DCAF1: variants seen among roughly 807,000 people sequenced by gnomAD.
The protein encoded by DCAF1 is DDB1 and CUL4 associated factor 1, also known as DDB1- and CUL4-associated factor 1.
A neutral mutation model predicts 128.0 loss-of-function variants in DCAF1; 15 were observed. The ratio of observed to expected loss-of-function variants is 0.12; its 90% confidence interval spans 0.08 to 0.18. DCAF1 has a LOEUF of 0.18. DCAF1 is among the 10% of genes least tolerant of loss of function. DCAF1 has a pLI of 1.00. For synonymous variants in DCAF1, 610 were observed against 603.0 expected (o/e 1.01, Z -0.17); for missense variants, 988 against 1,649.5 (o/e 0.60, Z 6.95).
intron 12 of DCAF1, 128 bp downstream of exon 12, chr3:51,429,133 T>C: frequency 1.6e-6 from 1 of 630,242 alleles, no homozygotes; most frequent in South Asian, 1.9e-5. Flanking sequence ...TGTTCTGCCT[T>C]CATACAGGGA....
rs568857340 is a variant in DCAF1, at chr3:51,420,534, G to C, written c.2436C>G (p.Leu812=). ...HVKFCKYAAE[L]IERVSGKPLL... Reference sequence around the variant, plus strand: ...GTGGTTTTCCTGACACCCGTTCAATGAGTTCAGCAGCATACTTGCAGAACT... The same window carrying C: ...GTGGTTTTCCTGACACCCGTTCAATCAGTTCAGCAGCATACTTGCAGAACT... Residue 812 remains leucine (L), a synonymous_variant, in exon 15 of 25, where the codon CTC becomes CTG. Transcript: ENST00000684031. The surrounding 1 kb of genome is among the most constrained non-coding windows in gnomAD (Gnocchi z 6.5). 1.9e-6 allele frequency: 3 copies of C among 1,613,778 alleles called. No individual in the cohort carries two copies. The highest frequency in any genetic ancestry group is 4.5e-5 in the East Asian group (2 of 44,890).
At chr3:51,426,371 G>A (rs1699911552) in intron 13 of DCAF1, among the ~76,000 whole-genome samples, 1 of 151,888 alleles carries the variant, frequency 6.6e-6, no homozygotes, top group African/African-American at 2.4e-5. Flanking sequence ...CACCACCCCC[G>A]GCTAATTTTT....
At chr3:51,427,047 A>G (rs1699967483) in intron 13 of DCAF1, among the ~76,000 whole-genome samples, 1 of 152,224 alleles carries the variant, frequency 6.6e-6, no homozygotes, top group Non-Finnish European at 1.5e-5. Flanking sequence ...TTTAAGTACT[A>G]AAGAATCCTG....
At chr3:51,411,397 A>G (rs1268931378) in intron 23 of DCAF1, among the ~76,000 whole-genome samples, 1 of 152,004 alleles carries the variant, frequency 6.6e-6, no homozygotes, top group Admixed American at 6.6e-5. Flanking sequence ...ACTCTTGGAA[A>G]GAGAATGTGC....
At chr3:51,427,283 G>C in intron 13 of DCAF1, 89 bp downstream of exon 13, 3 of 564,354 alleles carry the variant, frequency 5.3e-6, no homozygotes, top group Non-Finnish European at 3.3e-6. Flanking sequence ...TTCAACAAAT[G>C]TTTGTTAAGC....
intron 2 of DCAF1, among the ~76,000 whole-genome samples, chr3:51,491,761 C>G (rs1486890684): frequency 6.6e-6 from 1 of 152,030 alleles, no homozygotes; most frequent in Non-Finnish European, 1.5e-5. Flanking sequence ...AGGAGAACTG[C>G]TTGAATCCAG....
chr3:51,408,206 T>G (rs1698077152), intron 23 of DCAF1, among the ~76,000 whole-genome samples: 1 of 152,136 alleles, frequency 6.6e-6, no homozygotes. Flanking sequence ...CCTCTTAATC[T>G]CCAAGCTTAT....
intron 5 of DCAF1, among the ~76,000 whole-genome samples, chr3:51,465,949 A>G (rs1241063482): frequency 2.0e-5 from 3 of 152,180 alleles, no homozygotes; most frequent in Non-Finnish European, 2.9e-5. Context: ...CTGTAATCCC[A>G]GCACTTTGGG....
At position 51,424,415 on chromosome 3, in the gene DCAF1, G is replaced by GA. The variant is rs532963947; in HGVS notation, c.1848-1985dup. Among the ~76,000 whole-genome samples, 37 of 144,514 alleles carry GA rather than the reference G, an allele frequency of 2.6e-4. 1 individual carries two copies. The highest frequency in any genetic ancestry group is 2.2e-3 in the East Asian group (11 of 4,972). The allele number at this position is 144,514 out of a possible 152,430, so 94.8% of individuals were successfully genotyped here. A position where few individuals can be genotyped will look rare whatever the true frequency, so the allele number is the denominator to read the frequency against. The stretch of plus-strand genomic sequence containing the variant: ...AAGACTCTGCCTCAAAAAAAAAAAA[G>GA]AAAAAAAAAAGTAGAGAAATGAAAG... On this transcript the variant is annotated intron_variant, in intron 13 of 24. Coordinates refer to ENST00000684031, the MANE Select transcript of DCAF1 (RefSeq NM_001387579.1).
intron 24 of DCAF1, among the ~76,000 whole-genome samples, 191 bp downstream of exon 24, chr3:51,402,952 G>A (rs1425017457): frequency 6.6e-6 from 1 of 152,172 alleles, no homozygotes; most frequent in Non-Finnish European, 1.5e-5. Context: ...CAGCCATTTG[G>A]TTGGGTTCCA....
chr3:51,482,658 G>A (rs534659179), intron 3 of DCAF1, among the ~76,000 whole-genome samples: 45 of 148,766 alleles, frequency 3.0e-4, no homozygotes, highest in African/African-American at 1.0e-3. Context: ...CCAGCTACTC[G>A]GGAGGCTGAG....
At chr3:51,486,452 C>A (rs916509799) in intron 2 of DCAF1, among the ~76,000 whole-genome samples, 5 of 151,618 alleles carry the variant, frequency 3.3e-5, no homozygotes, top group Non-Finnish European at 7.4e-5. Flanking sequence ...CCTTAGCCCC[C>A]CAAAGTGCTG....
In DCAF1 at chr3:51,420,821, T is replaced by C; in HGVS notation, c.2149A>G (p.Ser717Gly). The change falls in exon 15 of 25, where the codon AGC becomes GGC. Residue 717 changes from serine (S) to glycine (G), a missense_variant. By Grantham distance (56) the Ser-to-Gly change is moderately conservative. This residue lies in a region of DCAF1 where 185 missense variants were observed against 248.1 expected (regional missense o/e 0.75). Transcript: ENST00000684031. The surrounding 1 kb of genome is among the most constrained non-coding windows in gnomAD (Gnocchi z 6.5). ...ATCTTGGCCAGGGTGTGCTCACTGC[T>C]TTTAGGGTTCTGAGGCAGCTTTCTC... ...PRRKLPQNPK[S>G]SEHTLAKMWN... is the part of the protein sequence containing the mutation. The C allele has an allele frequency of 6.2e-7, 1 of 1,614,052 alleles. No homozygotes were observed.
chr3:51,486,183 C>G (rs544696249), intron 2 of DCAF1, among the ~76,000 whole-genome samples: 2 of 150,474 alleles, frequency 1.3e-5, no homozygotes, highest in Non-Finnish European at 1.5e-5. Context: ...AAAACCACAC[C>G]CGGCAGATTC....
chr3:51,399,800 T>A (rs974281136), intron 24 of DCAF1, among the ~76,000 whole-genome samples: 3 of 152,032 alleles, frequency 2.0e-5, no homozygotes, highest in South Asian at 2.1e-4. Context: ...AGGTCCCCCA[T>A]AAAACAGACA....
intron 3 of DCAF1, among the ~76,000 whole-genome samples, chr3:51,479,002 AAC>A (rs1705830755): frequency 6.6e-6 from 1 of 152,284 alleles, no homozygotes; most frequent in South Asian, 2.1e-4. Context: ...AGATTTTTTT[AAC>A]AGTTATGATA....
At position 51,488,736 on chromosome 3, in the gene DCAF1, G is replaced by A. The variant is rs1368868237; in HGVS notation, c.-8-4900C>T. 3.3e-5 allele frequency among the ~76,000 whole-genome samples: 5 copies of A among 152,126 alleles called. 1 individual carries two copies. Among genetic ancestry groups the A allele is most frequent in the Admixed American group, 3.3e-4 (5 of 15,262 alleles). ...GAGAATCGCTTGAACACAGGAGGCA[G>A]AGGTTGCAGTGAGCCAAGATCGCGC... On this transcript the variant is annotated intron_variant, in intron 2 of 24. Transcript: ENST00000684031.
chr3:51,497,781 G>A (rs563979261), intron 1 of DCAF1, among the ~76,000 whole-genome samples: 69 of 152,082 alleles, frequency 4.5e-4, no homozygotes, highest in African/African-American at 1.6e-3. Flanking sequence ...TACTCAAGAG[G>A]CTGAGGCAGC....
intron 3 of DCAF1, among the ~76,000 whole-genome samples, chr3:51,481,332 A>G (rs1394615723): frequency 1.3e-5 from 2 of 152,180 alleles, no homozygotes; most frequent in African/African-American, 2.4e-5. Flanking sequence ...GATGTATTAA[A>G]AGAGGGTAAA....
Sources: allele counts gnomAD v4.1 joint callset (sites outside exome capture counted in the v4.1 genomes callset), GRCh38; gene constraint gnomAD v4.1.1; regional missense constraint gnomAD v4.1.1; non-coding constraint Gnocchi (gnomAD v3.1); transcripts MANE v1.5; gene names NCBI Gene and HGNC (gene_info 2026-07-23, HGNC 2026-07-21).